Variants in PGBD5 observed in about 807,000 individuals in gnomAD.
The protein encoded by PGBD5 is piggyBac transposable element derived 5, also known as piggyBac transposable element-derived protein 5.
In PGBD5, 14 loss-of-function variants were observed where a neutral mutation model predicts 47.9. That is an observed-to-expected ratio of 0.29 (90% CI 0.19 to 0.46). The LOEUF (loss-of-function observed/expected upper bound fraction) is 0.46. Ranked by LOEUF, PGBD5 falls within the 20% of genes least tolerant of loss-of-function variation. The pLI, the probability that PGBD5 is intolerant of heterozygous loss-of-function variation, is 1.00. For missense variants in PGBD5, 635 were observed against 716.0 expected (o/e 0.89, Z 1.29); for synonymous variants, 316 against 306.3 (o/e 1.03, Z -0.33).
intron 3 of PGBD5, among the ~76,000 whole-genome samples, chr1:230,349,866 T>C (rs1160650414): frequency 1.3e-5 from 2 of 152,170 alleles, no homozygotes; most frequent in Admixed American, 6.5e-5. Context: ...ACAATGCCTA[T>C]GCACAAGCAG....
intron 1 of PGBD5, among the ~76,000 whole-genome samples, chr1:230,383,391 G>T (rs1411758442): frequency 1.3e-5 from 2 of 151,544 alleles, no homozygotes; most frequent in African/African-American, 4.9e-5. Flanking sequence ...TTTTGAGAGA[G>T]TCTCACTCTG....
At chr1:230,423,904 T>C (rs534125769) in intron 1 of PGBD5, among the ~76,000 whole-genome samples, 2 of 152,310 alleles carry the variant, frequency 1.3e-5, no homozygotes, top group African/African-American at 4.8e-5. Flanking sequence ...TGACCGTAAG[T>C]GCTGCGGTGG....
chr1:230,318,977 G>A lies in PGBD5; in HGVS notation c.*4448C>T. 1 of 152,224 alleles carries A rather than the reference G, an allele frequency of 6.6e-6. No individual in the cohort carries two copies. The highest frequency in any genetic ancestry group is 1.9e-4 in the East Asian group (1 of 5,198). 9.4% of individuals were successfully genotyped at this position (152,224 alleles called of 1,614,324 possible). On this transcript the variant is annotated 3_prime_UTR_variant, in exon 7 of 7. Coordinates refer to ENST00000391860, the MANE Select transcript of PGBD5 (RefSeq NM_001258311.2). ...TGATGTCCCGGATCTCATAATGATT[G>A]TTTTCAGTATTCGGATCAGCAGAGA...
Position 230,323,275 on chromosome 1 carries a change from G to C in PGBD5, c.*150C>G. ...AGGACAGCAACCGTCCTCTGACCAG[G>C]TCCATCCTGTCCCTCCAGAGGCCCT... On this transcript the variant is annotated 3_prime_UTR_variant, in exon 7 of 7. Coordinates refer to ENST00000391860, the MANE Select transcript of PGBD5 (RefSeq NM_001258311.2). This position sits in a 1 kb window ranked among gnomAD's most constrained non-coding sequence, Gnocchi z 4.1. The C allele has an allele frequency of 1.2e-6, 1 of 826,456 alleles. No individual in the cohort carries two copies. The highest frequency in any genetic ancestry group is 2.7e-5 in the East Asian group (1 of 37,558). 51.2% of individuals were successfully genotyped at this position (826,456 alleles called of 1,614,324 possible). A position where few individuals can be genotyped will look rare whatever the true frequency, so the allele number is the denominator to read the frequency against.
chr1:230,344,405 C>A (rs989186344), intron 3 of PGBD5, among the ~76,000 whole-genome samples: 1 of 152,216 alleles, frequency 6.6e-6, no homozygotes, highest in Non-Finnish European at 1.5e-5. Context: ...AGTTTCCTTA[C>A]CAAGAAACAG....
At chr1:230,377,689 G>A in intron 1 of PGBD5, 1 of 1,444,576 alleles carries the variant, frequency 6.9e-7, no homozygotes, top group South Asian at 1.5e-5. Context: ...TTCCCCATCT[G>A]TAAAATGGCA....
At position 230,357,715 on chromosome 1, in the gene PGBD5, C is replaced by T. The variant is rs375455116; in HGVS notation, c.332-394G>A. On this transcript the variant is annotated intron_variant, in intron 1 of 6. Transcript: ENST00000391860. The surrounding 1 kb of genome is among the most constrained non-coding windows in gnomAD (Gnocchi z 5.7). ...CCAGAACCCGTGTGGCACAGGGTGT[C>T]GGTCTAGGGAGTTTCACACACTCGG... Among the ~76,000 whole-genome samples the T allele has an allele frequency of 1.6e-4, 25 of 152,246 alleles. No homozygotes were observed. In the South Asian group the frequency reaches 3.9e-3, roughly 24 times the overall value.
rs16851588 is a variant in PGBD5, at chr1:230,367,800, G to A, written c.332-10479C>T. ...AAAACACTCCGGCATACTCCGTGGA[G>A]GCTCTTCATCATATCAACCACTACA... On this transcript the variant is annotated intron_variant, in intron 1 of 6. Coordinates refer to ENST00000391860, the MANE Select transcript of PGBD5 (RefSeq NM_001258311.2). Among the ~76,000 whole-genome samples, 635 of 152,228 alleles carry A rather than the reference G, an allele frequency of 4.2e-3. 4 individuals carry two copies. The highest frequency in any genetic ancestry group is 0.015 in the African/African-American group (606 of 41,520).
chr1:230,362,187 C>G, intron 1 of PGBD5: 4 of 1,287,252 alleles, frequency 3.1e-6, no homozygotes, highest in Non-Finnish European at 4.1e-6. Context: ...CTCTGCTGCA[C>G]GAGAGGGTGG....
intron 1 of PGBD5, among the ~76,000 whole-genome samples, chr1:230,359,494 A>G (rs1667710286): frequency 6.6e-6 from 1 of 152,204 alleles, no homozygotes; most frequent in Admixed American, 6.5e-5. Context: ...AAGAGAGATA[A>G]TGTGTATGAG....
At chr1:230,417,889 G>A (rs569050818) in intron 1 of PGBD5, among the ~76,000 whole-genome samples, 9 of 152,326 alleles carry the variant, frequency 5.9e-5, no homozygotes, top group African/African-American at 1.9e-4. Flanking sequence ...ATCCATTGCT[G>A]GTGGGAGTGT....
In PGBD5 at chr1:230,323,275, G is replaced by T; in HGVS notation, c.*150C>A. The T allele has an allele frequency of 1.2e-6, 1 of 826,454 alleles. No homozygotes were observed. Among genetic ancestry groups the T allele is most frequent in the Non-Finnish European group, 1.9e-6 (1 of 539,596 alleles). The allele number at this position is 826,454 out of a possible 1,614,324, so 51.2% of individuals were successfully genotyped here. A position where few individuals can be genotyped will look rare whatever the true frequency, so the allele number is the denominator to read the frequency against. On this transcript the variant is annotated 3_prime_UTR_variant, in exon 7 of 7. Coordinates refer to ENST00000391860, the MANE Select transcript of PGBD5 (RefSeq NM_001258311.2). The surrounding 1 kb of genome is among the most constrained non-coding windows in gnomAD (Gnocchi z 4.1). ...AGGACAGCAACCGTCCTCTGACCAGGTCCATCCTGTCCCTCCAGAGGCCCT... is the reference window on the plus strand; with the variant it reads ...AGGACAGCAACCGTCCTCTGACCAGTTCCATCCTGTCCCTCCAGAGGCCCT...
rs1002498750 is a variant in PGBD5, at chr1:230,369,947, C to T, written c.332-12626G>A. ...AGCTAGGATGGAGACACAGATATCA[C>T]GATGATGGAAAGGAGAGAAATAATG... On this transcript the variant is annotated intron_variant, in intron 1 of 6. Coordinates refer to ENST00000391860, the MANE Select transcript of PGBD5 (RefSeq NM_001258311.2). Among the ~76,000 whole-genome samples the T allele has an allele frequency of 1.3e-5, 2 of 152,148 alleles. 1 individual carries two copies. Among genetic ancestry groups the T allele is most frequent in the South Asian group, 4.1e-4 (2 of 4,820 alleles).
chr1:230,350,092 A>T (rs1053851325), intron 3 of PGBD5, among the ~76,000 whole-genome samples: 1 of 152,102 alleles, frequency 6.6e-6, no homozygotes, highest in Non-Finnish European at 1.5e-5. Context: ...AAGTGCAAAA[A>T]CCCTGTGCCT....
At chr1:230,333,742 G>A (rs2102816072) in intron 4 of PGBD5, among the ~76,000 whole-genome samples, 1 of 152,362 alleles carries the variant, frequency 6.6e-6, no homozygotes, top group African/African-American at 2.4e-5. Flanking sequence ...AGTGGGTGGA[G>A]AGCTTCCTGA....
chr1:230,419,943 T>C (rs1657612775), intron 1 of PGBD5, among the ~76,000 whole-genome samples: 1 of 152,076 alleles, frequency 6.6e-6, no homozygotes, highest in South Asian at 2.1e-4. Context: ...CTGGACAACA[T>C]GGCGAAACCC....
intron 1 of PGBD5, among the ~76,000 whole-genome samples, chr1:230,404,434 C>G (rs1357058943): frequency 6.6e-6 from 1 of 151,696 alleles, no homozygotes; most frequent in Non-Finnish European, 1.5e-5. Flanking sequence ...GGGCCCCCAT[C>G]TCTAAAAATA....
At position 230,357,313 on chromosome 1, in the gene PGBD5, G is replaced by C. The variant is rs1255617593; in HGVS notation, c.340C>G (p.Arg114Gly). ...GCACTGGCGCTGGGGGGCATCTTTCGGGTGGGACCTGAAACCCAAAGACAG... is the reference window on the plus strand; with the variant it reads ...GCACTGGCGCTGGGGGGCATCTTTCCGGTGGGACCTGAAACCCAAAGACAG... ...PRFEDTGGPT[R>G]KMPPSASAVD... The change falls in exon 2 of 7, where the codon CGA becomes GGA. Residue 114 changes from arginine (R) to glycine (G), a missense_variant. Physicochemically the swap from Arg to Gly is moderately radical, Grantham distance 125. Transcript: ENST00000391860. This position sits in a 1 kb window ranked among gnomAD's most constrained non-coding sequence, Gnocchi z 5.7. 3 of 1,612,930 alleles carry C rather than the reference G, an allele frequency of 1.9e-6. No individual in the cohort carries two copies. The highest frequency in any genetic ancestry group is 2.5e-6 in the Non-Finnish European group (3 of 1,179,266).
chr1:230,420,333 C>A (rs557532750), intron 1 of PGBD5, among the ~76,000 whole-genome samples: 1 of 152,222 alleles, frequency 6.6e-6, no homozygotes, highest in South Asian at 2.1e-4. Flanking sequence ...AAAATCAGGT[C>A]CCTCAACAAA....
Sources: gnomAD v4.1 joint callset for allele counts (sites outside exome capture counted in the v4.1 genomes callset) on GRCh38, gnomAD v4.1.1 for gene constraint, Gnocchi (gnomAD v3.1) non-coding constraint, MANE v1.5 for transcripts, NCBI Gene and HGNC (gene_info 2026-07-23, HGNC 2026-07-21) for gene names.